The following METTL15 variants were observed in gnomAD, a reference collection of about 807,000 sequenced individuals.
METTL15 encodes the protein methyltransferase 15, mitochondrial 12S rRNA N4-cytidine, also known as 12S rRNA N(4)-cytidine methyltransferase METTL15.
METTL15 carries 34 observed loss-of-function variants against 38.3 expected under a neutral mutation model. The ratio of observed to expected loss-of-function variants is 0.89; its 90% CI spans 0.68 to 1.18. The LOEUF is 1.18. Among genes scored for constraint, METTL15 ranks in the 50% most tolerant of loss-of-function variants. The probability of loss-of-function intolerance (pLI) is 0.00; values close to 1 mark genes in which losing one functional copy is unlikely to be tolerated. For missense variants in METTL15, 438 were observed against 498.4 expected, an observed-to-expected ratio of 0.88 and a Z score of 1.15; for synonymous variants, 162 against 170.9, an observed-to-expected ratio of 0.95 and a Z score of 0.41.
chr11:28,410,447 G>A (rs1003098186), intron 5 of METTL15, among the ~76,000 whole-genome samples: 2 of 152,072 alleles, frequency 1.3e-5, no homozygotes, highest in African/African-American at 4.8e-5. Context: ...ATTTATCCCT[G>A]CCTGCAAGAC....
intron 6 of METTL15, among the ~76,000 whole-genome samples, chr11:28,439,303 G>A (rs1179810402): frequency 6.6e-6 from 1 of 152,118 alleles, no homozygotes; most frequent in Non-Finnish European, 1.5e-5. Context: ...GTGTTACATA[G>A]TTCTGAGAAT....
intron 3 of METTL15, among the ~76,000 whole-genome samples, chr11:28,191,313 G>A (rs1851693441): frequency 6.7e-6 from 1 of 149,372 alleles, no homozygotes; most frequent in Non-Finnish European, 1.5e-5. Context: ...CTTTCTCCTT[G>A]TTTTTACAGC....
chr11:28,217,370 G>T (rs1852936818), intron 4 of METTL15, among the ~76,000 whole-genome samples: 1 of 152,220 alleles, frequency 6.6e-6, no homozygotes, highest in East Asian at 1.9e-4. Flanking sequence ...CTTTTGAGAA[G>T]TGTCTGTTCG....
intron 5 of METTL15, among the ~76,000 whole-genome samples, chr11:28,362,722 G>C (rs191718312): frequency 6.6e-6 from 1 of 152,138 alleles, no homozygotes; most frequent in Non-Finnish European, 1.5e-5. Flanking sequence ...TGGCTGCATA[G>C]TATTCCATGG....
At chr11:28,436,689 A>G (rs1850984932) in intron 6 of METTL15, among the ~76,000 whole-genome samples, 1 of 152,192 alleles carries the variant, frequency 6.6e-6, no homozygotes, top group South Asian at 2.1e-4. Flanking sequence ...GAGATAGAAA[A>G]GGTAGCACAT....
At chr11:28,179,214 C>CTA (rs1479372024) in intron 3 of METTL15, among the ~76,000 whole-genome samples, 1 of 151,740 alleles carries the variant, frequency 6.6e-6, no homozygotes. Context: ...GGGTTGAAGT[C>CTA]TATAATCTTA....
At chr11:28,319,898 G>A (rs1217420507) in intron 6 of METTL15, among the ~76,000 whole-genome samples, 5 of 152,176 alleles carry the variant, frequency 3.3e-5, no homozygotes, top group Admixed American at 6.5e-5. Context: ...TTGGTGTTTG[G>A]TTGTGGACTG....
rs374886491 is a variant in METTL15 at position 28,296,949 on chromosome 11, C to T, written c.778+18C>T. On this transcript the variant is annotated intron_variant, in intron 6 of 6. Coordinates refer to ENST00000407364, the MANE Select transcript of METTL15 (RefSeq NM_001113528.2). ...CGTTGCAGGTAGCCTCATTAATTCT[C>T]AACAGTGTCTAAGAGAAAAAATTAT... 7 of 1,612,816 alleles carry T rather than the reference C, an allele frequency of 4.3e-6. No homozygotes were observed. In the African/African-American group the frequency reaches 9.4e-5, roughly 22 times the overall value.
At chr11:28,201,272 G>A (rs1205510203) in intron 3 of METTL15, among the ~76,000 whole-genome samples, 1 of 152,068 alleles carries the variant, frequency 6.6e-6, no homozygotes, top group African/African-American at 2.4e-5. Flanking sequence ...GTTTTTTGGT[G>A]TGCTGCTGGA....
At chr11:28,305,871 ATGGAAGAGTTCC>A (rs1857066981) in intron 6 of METTL15, among the ~76,000 whole-genome samples, 1 of 152,156 alleles carries the variant, frequency 6.6e-6, no homozygotes, top group South Asian at 2.1e-4. Context: ...ATGCCTATTT[ATGGAAGAGTTCC>A]TGGCAACTAA....
intron 6 of METTL15, among the ~76,000 whole-genome samples, chr11:28,508,193 T>TC (rs1354642551): frequency 2.0e-5 from 3 of 152,218 alleles, no homozygotes; most frequent in Non-Finnish European, 4.4e-5. Flanking sequence ...ATTTTTTTTT[T>TC]CATAGCATTT....
At chr11:28,383,237 G>A (rs1415654893) in intron 5 of METTL15, among the ~76,000 whole-genome samples, 2 of 152,036 alleles carry the variant, frequency 1.3e-5, no homozygotes, top group South Asian at 2.1e-4. Context: ...CTATTACTAT[G>A]TTAGTTTGCT....
intron 4 of METTL15, among the ~76,000 whole-genome samples, chr11:28,253,149 A>G (rs1854816867): frequency 6.6e-6 from 1 of 152,032 alleles, no homozygotes. Context: ...CCTTTCCCCT[A>G]AGCTCCACTG....
intron 4 of METTL15, among the ~76,000 whole-genome samples, chr11:28,235,611 T>G (rs1186108496): frequency 6.6e-6 from 1 of 152,226 alleles, no homozygotes; most frequent in Non-Finnish European, 1.5e-5. Flanking sequence ...TCTGTTTGTC[T>G]GTTATTAGTG....
At chr11:28,190,614 T>C (rs575625683) in intron 3 of METTL15, among the ~76,000 whole-genome samples, 3 of 151,334 alleles carry the variant, frequency 2.0e-5, no homozygotes, top group Non-Finnish European at 3.0e-5. Flanking sequence ...TCAGGCAAGA[T>C]AAAGTGACTT....
At chr11:28,249,698 G>A (rs1376914223) in intron 4 of METTL15, among the ~76,000 whole-genome samples, 4 of 151,562 alleles carry the variant, frequency 2.6e-5, no homozygotes, top group African/African-American at 9.7e-5. Context: ...GTGTGATCTT[G>A]TACTAATTTG....
At position 28,173,100 on chromosome 11, in the gene METTL15, A is replaced by G. The variant is rs149341933; in HGVS notation, c.271-37962A>G. On this transcript the variant is annotated intron_variant, in intron 3 of 6. Coordinates refer to ENST00000407364, the MANE Select transcript of METTL15 (RefSeq NM_001113528.2). ...ATATTTATTTTTTAAAAAAAGAGAC[A>G]AAATTTTTAATATAGATTTTGTTTT... Among the ~76,000 whole-genome samples, 509 of 152,142 alleles carry G rather than the reference A, an allele frequency of 3.3e-3. 6 individuals are homozygous for G. The highest frequency in any genetic ancestry group is 0.012 in the African/African-American group (491 of 41,588).
chr11:28,360,416 G>C (rs1850126976), intron 4 of METTL15, among the ~76,000 whole-genome samples: 1 of 152,208 alleles, frequency 6.6e-6, no homozygotes, highest in Non-Finnish European at 1.5e-5. Flanking sequence ...TTGGAACTGA[G>C]AGGCAGCTCC....
intron 3 of METTL15, among the ~76,000 whole-genome samples, chr11:28,340,927 C>T (rs748995061): frequency 1.3e-5 from 2 of 152,094 alleles, no homozygotes. Context: ...AACCCAAATG[C>T]CCATCAATAA....
Sources: gnomAD v4.1 joint callset for allele counts (sites outside exome capture counted in the v4.1 genomes callset) on GRCh38, gnomAD v4.1.1 for gene constraint, MANE v1.5 for transcripts, NCBI Gene and HGNC (gene_info 2026-07-23, HGNC 2026-07-21) for gene names.